The following HSD17B4 variants were observed in gnomAD, a reference collection of about 807,000 sequenced individuals.
The protein encoded by HSD17B4 is hydroxysteroid 17-beta dehydrogenase 4.
A neutral mutation model predicts 101.0 loss-of-function variants in HSD17B4; 70 were observed. The observed-to-expected ratio is 0.69, with a 90% confidence interval of 0.57 to 0.85. HSD17B4 has a LOEUF of 0.85. HSD17B4 is among the 40% of genes least tolerant of loss of function. The pLI, the probability that HSD17B4 is intolerant of heterozygous loss-of-function variation, is 0.00. For missense variants in HSD17B4, 984 were observed against 892.4 expected, an observed-to-expected ratio of 1.10 and a Z score of -1.31; for synonymous variants, 347 against 297.1, an observed-to-expected ratio of 1.17 and a Z score of -1.73.
intron 8 of HSD17B4, among the ~76,000 whole-genome samples, chr5:119,485,036 G>T (rs1476795373): frequency 1.3e-5 from 2 of 152,110 alleles, no homozygotes; most frequent in East Asian, 3.9e-4. Context: ...GCATGAAAAT[G>T]TAATGAATAT....
rs148363262 is a variant in HSD17B4, at chr5:119,452,631, C to G, written c.56C>G (p.Ala19Gly). 4.3e-6 allele frequency: 7 copies of G among 1,613,756 alleles called. No homozygotes were observed. In the African/African-American group the frequency reaches 6.7e-5, roughly 15 times the overall value. The change falls in exon 1 of 24, where the codon GCA (alanine) becomes GGA (glycine). Residue 19 changes from alanine (A) to glycine (G), a missense_variant and splice_region_variant. Coordinates refer to ENST00000510025, the MANE Select transcript of HSD17B4 (RefSeq NM_000414.4). ...GRVVLVTGAG[A>G]GLGRAYALAF... ...GTGGTACTGGTCACCGGCGCGGGGG[C>G]AGGTGAGCATGCGAAGGTTGGAGGC...
At chr5:119,479,048 G>A (rs1457169089) in intron 8 of HSD17B4, 27 bp downstream of exon 8, 1 of 1,553,542 alleles carries the variant, frequency 6.4e-7, no homozygotes, top group Admixed American at 1.7e-5. Flanking sequence ...ATATTTTTCA[G>A]TGCTGTTACT....
chr5:119,516,142 C>T (rs1752595771), intron 17 of HSD17B4, among the ~76,000 whole-genome samples: 1 of 151,904 alleles, frequency 6.6e-6, no homozygotes, highest in Non-Finnish European at 1.5e-5. Context: ...TTTTTCTGTA[C>T]CATATAATCA....
intron 10 of HSD17B4, 163 bp from the exon 11 acceptor site, chr5:119,493,655 G>T (rs573501827): frequency 1.5e-6 from 1 of 652,738 alleles, no homozygotes; most frequent in East Asian, 3.0e-5. Context: ...TAGTGGGTTT[G>T]TTGGGAAAAA....
At chr5:119,456,269 T>C in intron 1 of HSD17B4, 46 bp from the exon 2 acceptor site, 1 of 1,386,894 alleles carries the variant, frequency 7.2e-7, no homozygotes, top group Non-Finnish European at 1.0e-6. Flanking sequence ...CCAAAAAAAT[T>C]ATGCTGACAT....
rs1394106982 is a variant in HSD17B4, at chr5:119,452,757, GTTA to G, written c.58+127_58+129del. On this transcript the variant is annotated intron_variant, in intron 1 of 23. Coordinates refer to ENST00000510025, the MANE Select transcript of HSD17B4 (RefSeq NM_000414.4). Reference sequence around the variant, plus strand: ...CGCTGAGGTGGTGGGGAGGGGAATGGTTATTCTTGAGGCACCGCATCTCTTGAG... The same window carrying G: ...CGCTGAGGTGGTGGGGAGGGGAATGGTTCTTGAGGCACCGCATCTCTTGAG... The G allele has an allele frequency of 3.8e-6, 6 of 1,582,888 alleles. No individual in the cohort carries two copies. In the East Asian group the frequency reaches 1.1e-4, roughly 30 times the overall value.
chr5:119,459,914 A>T (rs1332646883), intron 2 of HSD17B4, among the ~76,000 whole-genome samples: 1 of 140,208 alleles, frequency 7.1e-6, no homozygotes, highest in Non-Finnish European at 1.5e-5. Flanking sequence ...TCTTTTGCCC[A>T]GGCCGGACTG....
intron 17 of HSD17B4, among the ~76,000 whole-genome samples, chr5:119,517,233 G>A (rs982407516): frequency 1.1e-4 from 17 of 152,234 alleles, no homozygotes; most frequent in Non-Finnish European, 2.4e-4. Flanking sequence ...CGGGCAATGA[G>A]GGGCTTAGCA....
chr5:119,524,647 G>A (rs1753414456), intron 17 of HSD17B4, among the ~76,000 whole-genome samples: 1 of 152,070 alleles, frequency 6.6e-6, no homozygotes, highest in Admixed American at 6.6e-5. Context: ...CTTTATCTAA[G>A]TAAACTAGTG....
intron 16 of HSD17B4, among the ~76,000 whole-genome samples, chr5:119,510,592 G>A (rs994144452): frequency 2.6e-5 from 4 of 152,168 alleles, no homozygotes; most frequent in African/African-American, 9.7e-5. Context: ...ACCATGACTT[G>A]TAAAAAATTA....
chr5:119,509,294 C>T (rs1198117157), intron 16 of HSD17B4, 50 bp downstream of exon 16: 1 of 1,090,474 alleles, frequency 9.2e-7, no homozygotes, highest in Non-Finnish European at 1.4e-6. Context: ...AGGATTCTTA[C>T]CTATACAATT....
intron 12 of HSD17B4, among the ~76,000 whole-genome samples, chr5:119,499,113 CT>C (rs1396337399): frequency 6.6e-6 from 1 of 152,096 alleles, no homozygotes; most frequent in African/African-American, 2.4e-5. Flanking sequence ...CAATAAAAAA[CT>C]TCTTAACTGT....
At position 119,452,570 on chromosome 5, in the gene HSD17B4, T is replaced by A; in HGVS notation, c.-6T>A. On this transcript the variant is annotated 5_prime_UTR_variant, in exon 1 of 24. Coordinates refer to ENST00000510025, the MANE Select transcript of HSD17B4 (RefSeq NM_000414.4). ...GTTCGTGTGTGTGTCGTTGCAGGCC[T>A]TATTCATGGGCTCACCGCTGAGGTT... 2 of 1,614,012 alleles carry A rather than the reference T, an allele frequency of 1.2e-6. No individual in the cohort carries two copies. The highest frequency in any genetic ancestry group is 1.7e-6 in the Non-Finnish European group (2 of 1,179,990).
intron 20 of HSD17B4, among the ~76,000 whole-genome samples, chr5:119,528,678 T>C (rs1358263002): frequency 6.6e-6 from 1 of 152,176 alleles, no homozygotes; most frequent in East Asian, 1.9e-4. Flanking sequence ...GTTTTTATTT[T>C]CCTGCAATTC....
intron 14 of HSD17B4, among the ~76,000 whole-genome samples, chr5:119,503,348 T>C (rs1331116867): frequency 1.3e-5 from 2 of 152,114 alleles, no homozygotes; most frequent in Non-Finnish European, 2.9e-5. Flanking sequence ...AATAGGAAGG[T>C]GTAGAGAATA....
chr5:119,531,568 GGTGTGTGT>G (rs57579065), intron 22 of HSD17B4, among the ~76,000 whole-genome samples, 164 bp downstream of exon 22: 1 of 116,400 alleles, frequency 8.6e-6, no homozygotes, highest in South Asian at 2.5e-4. Context: ...TCCAAAGGGG[GGTGTGTGT>G]GTGTGTGTGT....
At chr5:119,541,502 G>C (rs1393081930) in intron 23 of HSD17B4, among the ~76,000 whole-genome samples, 1 of 152,134 alleles carries the variant, frequency 6.6e-6, no homozygotes, top group Non-Finnish European at 1.5e-5. Flanking sequence ...TGGCTTTCTA[G>C]TTCATGAAAC....
rs910573226 is a variant in HSD17B4 at position 119,525,280 on chromosome 5, T to C, written c.1568T>C (p.Leu523Pro). 1 of 1,604,620 alleles carries C rather than the reference T, an allele frequency of 6.2e-7. No individual in the cohort carries two copies. Among genetic ancestry groups the C allele is most frequent in the African/African-American group, 1.3e-5 (1 of 74,620 alleles). ...CACATTGATCCTAACTTTGCTAGTC[T>C]AGCAGGTGAGTTGTCTTTAATATGT... ...PLHIDPNFAS[L>P]AGFDKPILHG... is the part of the protein sequence containing the mutation. The change falls in exon 18 of 24, where the codon CTA (leucine) becomes CCA (proline). Residue 523 changes from leucine (L) to proline (P), a missense_variant. Physicochemically the swap from Leu to Pro is moderately conservative, Grantham distance 98. Coordinates refer to ENST00000510025, the MANE Select transcript of HSD17B4 (RefSeq NM_000414.4).
In HSD17B4 at chr5:119,525,916, G is replaced by A. The variant is rs755412738; in HGVS notation, c.1574-1G>A. The A allele has an allele frequency of 3.2e-6, 5 of 1,579,468 alleles. No individual in the cohort carries two copies. The Admixed American group carries it at 8.4e-5, about 26-fold the overall frequency. On this transcript the variant is annotated splice_acceptor_variant, in intron 18 of 23. Transcript: ENST00000510025. LOFTEE classifies it high-confidence loss of function. ...TAACTCAGTGTTCTCTCTTTTCCTA[G>A]GTTTTGACAAGCCCATATTACATGG...
Sources: gnomAD v4.1 joint callset for allele counts (sites outside exome capture counted in the v4.1 genomes callset) on GRCh38, gnomAD v4.1.1 for gene constraint, MANE v1.5 for transcripts, NCBI Gene and HGNC (gene_info 2026-07-23, HGNC 2026-07-21) for gene names.